Variants in ZC3H3 observed in about 807,000 individuals in gnomAD.
ZC3H3 encodes zinc finger CCCH domain-containing protein 3.
In ZC3H3, 36 loss-of-function variants were observed where a neutral mutation model predicts 77.3. That is an observed-to-expected ratio of 0.47 (90% confidence interval 0.36 to 0.61). The LOEUF (loss-of-function observed/expected upper bound fraction) is 0.61, where lower values mean the gene tolerates loss of function less well. ZC3H3 is among the 20% of genes least tolerant of loss of function. The probability of loss-of-function intolerance (pLI) is 0.00; values close to 1 mark genes in which losing one functional copy is unlikely to be tolerated. For synonymous variants in ZC3H3, 626 were observed against 555.2 expected, an observed-to-expected ratio of 1.13 and a Z score of -1.79; for missense variants, 1,331 against 1,312.2, an observed-to-expected ratio of 1.01 and a Z score of -0.22.
chr8:143,459,392 T>C (rs560110784), intron 9 of ZC3H3, among the ~76,000 whole-genome samples: 155 of 152,212 alleles, frequency 1.0e-3, no homozygotes, highest in African/African-American at 3.3e-3. Context: ...CTACTAAAAC[T>C]ACAAAAATTA....
intron 2 of ZC3H3, among the ~76,000 whole-genome samples, 169 bp downstream of exon 2, chr8:143,537,834 G>A (rs986041095): frequency 4.6e-5 from 7 of 152,232 alleles, no homozygotes; most frequent in African/African-American, 1.4e-4. Context: ...CCAGGGCCCC[G>A]GCCCCAGGCA....
intron 4 of ZC3H3, among the ~76,000 whole-genome samples, chr8:143,479,825 A>C (rs1422764866): frequency 1.3e-5 from 2 of 152,010 alleles, no homozygotes; most frequent in Non-Finnish European, 2.9e-5. Context: ...CAGGAGGGGG[A>C]GATAACATTT....
At position 143,478,655 on chromosome 8, in the gene ZC3H3, A is replaced by G. The variant is rs1477864047; in HGVS notation, c.1716-3070T>C. ...CTCCAGAGTAGCTGGGATTACAGGC[A>G]TGTGCCAACACGCCCGGCTAATTTT... is the stretch of plus-strand genomic sequence containing the variant. On this transcript the variant is annotated intron_variant, in intron 4 of 11. Transcript: ENST00000262577. 3.9e-5 allele frequency among the ~76,000 whole-genome samples: 6 copies of G among 152,296 alleles called. No individual in the cohort carries two copies. The East Asian group carries it at 5.8e-4, about 15-fold the overall frequency.
chr8:143,480,677 TCGGG>T (rs1276760532), intron 4 of ZC3H3, among the ~76,000 whole-genome samples: 5 of 152,198 alleles, frequency 3.3e-5, no homozygotes, highest in Non-Finnish European at 7.3e-5. Context: ...ATGCGGCTCC[TCGGG>T]TGAGTCCAGC....
chr8:143,495,758 CTTTCTT>C (rs1202764815), intron 4 of ZC3H3, among the ~76,000 whole-genome samples: 1 of 121,470 alleles, frequency 8.2e-6, no homozygotes, highest in African/African-American at 3.2e-5. Flanking sequence ...TTTTTCTTTT[CTTTCTT>C]TTTTTTTTTT....
chr8:143,455,504 T>TC (rs1014357920), intron 9 of ZC3H3, among the ~76,000 whole-genome samples: 7 of 151,208 alleles, frequency 4.6e-5, no homozygotes, highest in African/African-American at 1.7e-4. Flanking sequence ...CTGCCCCCCC[T>TC]CCCCAAAATA....
rs1214348704 is a variant in ZC3H3 at position 143,462,154 on chromosome 8, C to T, written c.2307+3563G>A. On this transcript the variant is annotated intron_variant, in intron 9 of 11. Transcript: ENST00000262577. This position sits in a 1 kb window ranked among gnomAD's most constrained non-coding sequence, Gnocchi z 4.7. ...CTCCCTGTGCCAGGGCCACCCAGGA[C>T]ACTGCCAGGCCCACTGTGGCCCCCT... Among the ~76,000 whole-genome samples the T allele has an allele frequency of 6.6e-6, 1 of 152,166 alleles. No homozygotes were observed. The highest frequency in any genetic ancestry group is 1.5e-5 in the Non-Finnish European group (1 of 68,032).
At chr8:143,471,909 C>G (rs547250500) in intron 5 of ZC3H3, among the ~76,000 whole-genome samples, 1 of 152,232 alleles carries the variant, frequency 6.6e-6, no homozygotes, top group Non-Finnish European at 1.5e-5. Flanking sequence ...TTCCTCATGG[C>G]GAGGCGGGGC....
At chr8:143,520,231 AAAG>A (rs1285617775) in intron 3 of ZC3H3, among the ~76,000 whole-genome samples, 7 of 152,208 alleles carry the variant, frequency 4.6e-5, no homozygotes, top group African/African-American at 1.2e-4. Context: ...TCAACAGAAC[AAAG>A]AAGAGGCTGA....
In ZC3H3 at chr8:143,494,722, T is replaced by G. The variant is rs903387649; in HGVS notation, c.1715+13024A>C. 2.6e-5 allele frequency among the ~76,000 whole-genome samples: 4 copies of G among 152,132 alleles called. No homozygotes were observed. The highest frequency in any genetic ancestry group is 5.9e-5 in the Non-Finnish European group (4 of 68,018). On this transcript the variant is annotated intron_variant, in intron 4 of 11. Transcript: ENST00000262577. The surrounding 1 kb of genome is among the most constrained non-coding windows in gnomAD (Gnocchi z 5.3). The stretch of plus-strand genomic sequence containing the variant: ...AGCCCCCACACTCACCCTGAGACCC[T>G]GGGCAGGAACAAAGGCCTCATTCCA...
chr8:143,538,208 A>C lies in ZC3H3; in HGVS notation c.1159T>G (p.Ser387Ala), dbSNP rs1303536230. The change falls in exon 2 of 12, where the codon TCC becomes GCC. Residue 387 changes from serine to alanine, a missense_variant. Around this residue, in one of 3 missense-constraint regions of ZC3H3, gnomAD observed 978 missense variants for 915.5 expected, o/e 1.07. Coordinates refer to ENST00000262577, the MANE Select transcript of ZC3H3 (RefSeq NM_015117.3). ...TGCCAACGGAAGGAGGAAGAGGAGG[A>C]GGCAGAGGGGCTGGAGGCCTTCCAC... ...YKWKASSPSA[S>A]SSSSFRWQSE... The C allele has an allele frequency of 6.2e-7, 1 of 1,612,940 alleles. No homozygotes were observed. Among genetic ancestry groups the C allele is most frequent in the Non-Finnish European group, 8.5e-7 (1 of 1,180,004 alleles).
Position 143,538,084 on chromosome 8 carries a change from T to C in ZC3H3, c.1283A>G (p.Lys428Arg), listed in dbSNP as rs776098428. Residue 428 changes from lysine to arginine, a missense_variant, in exon 2 of 12, where the codon AAG becomes AGG. Around this residue, in one of 3 missense-constraint regions of ZC3H3, gnomAD observed 978 missense variants for 915.5 expected, o/e 1.07. Coordinates refer to ENST00000262577, the MANE Select transcript of ZC3H3 (RefSeq NM_015117.3). ...DRPAVGHSGL[K>R]PLSGETPLSA... is the part of the protein sequence containing the mutation. ...GAGCGGGGTCTCCCCAGAGAGGGGC[T>C]TCAAGCCACTGTGTCCTACTGCTGG... 2.2e-5 allele frequency: 36 copies of C among 1,612,816 alleles called. No individual in the cohort carries two copies. The East Asian group carries it at 7.8e-4, about 35-fold the overall frequency.
chr8:143,520,855 A>G (rs1204371380), intron 3 of ZC3H3, among the ~76,000 whole-genome samples: 1 of 152,182 alleles, frequency 6.6e-6, no homozygotes, highest in African/African-American at 2.4e-5. Flanking sequence ...ACCCCTGCCC[A>G]GGAGCTAGGC....
rs1417172863 is a variant in ZC3H3 at position 143,468,466 on chromosome 8, A to G, written c.2021T>C (p.Met674Thr). The part of the protein sequence containing the change: ...QRREKRKEYC[M>T]YYNRFGRCNR... ...GCACCTGCCGAAGCGGTTGTAGTAC[A>G]TGCAGTACTCCTTCCTCTTCTCCCT... The change falls in exon 7 of 12, where the codon ATG (methionine) becomes ACG (threonine). Residue 674 changes from methionine to threonine, a missense_variant. Around this residue, in one of 3 missense-constraint regions of ZC3H3, gnomAD observed 104 missense variants for 159.7 expected, o/e 0.65. Coordinates refer to ENST00000262577, the MANE Select transcript of ZC3H3 (RefSeq NM_015117.3). 1 of 1,609,828 alleles carries G rather than the reference A, an allele frequency of 6.2e-7. No homozygotes were observed. Among genetic ancestry groups the G allele is most frequent in the African/African-American group, 1.3e-5 (1 of 74,858 alleles).
chr8:143,443,013 C>T (rs1002946765), intron 9 of ZC3H3, among the ~76,000 whole-genome samples: 6 of 152,126 alleles, frequency 3.9e-5, no homozygotes, highest in East Asian at 3.8e-4. Context: ...TGGCTCACGC[C>T]GGTAATTCCA....
intron 3 of ZC3H3, among the ~76,000 whole-genome samples, chr8:143,529,239 CG>C (rs2130491068): frequency 6.6e-6 from 1 of 152,088 alleles, no homozygotes; most frequent in South Asian, 2.1e-4. Context: ...CGCTGGTCAC[CG>C]GGAGAAGCCG....
chr8:143,484,659 G>T (rs1011407978), intron 4 of ZC3H3: 6 of 181,164 alleles, frequency 3.3e-5, no homozygotes, highest in Non-Finnish European at 7.2e-5. Context: ...AGCTGTCCTT[G>T]GCGGGCCCGC....
At chr8:143,518,016 A>G (rs1291183608) in intron 3 of ZC3H3, among the ~76,000 whole-genome samples, 1 of 151,830 alleles carries the variant, frequency 6.6e-6, no homozygotes, top group Non-Finnish European at 1.5e-5. Context: ...AGGGTACAGG[A>G]CCTAGAGGCG....
rs1283078378 is a variant in ZC3H3, at chr8:143,513,223, G to GC, written c.1562-5325dup. ...CTCAGGAAGCACCTGCCAAGCGCAG[G>GC]CCCCACCTTCCCTGCAGGTCCAGCT... On this transcript the variant is annotated intron_variant, in intron 3 of 11. Transcript: ENST00000262577. Among the ~76,000 whole-genome samples, 4 of 152,160 alleles carry GC rather than the reference G, an allele frequency of 2.6e-5. No homozygotes were observed. In the South Asian group the frequency reaches 6.2e-4, roughly 24 times the overall value.
Sources: allele counts gnomAD v4.1 joint callset (sites outside exome capture counted in the v4.1 genomes callset), GRCh38; gene constraint gnomAD v4.1.1; regional missense constraint gnomAD v4.1.1; non-coding constraint Gnocchi (gnomAD v3.1); transcripts MANE v1.5; gene names NCBI Gene and HGNC (gene_info 2026-07-23, HGNC 2026-07-21).